RALGPS1: variants seen among roughly 807,000 people sequenced by gnomAD.
RALGPS1 encodes ras-specific guanine nucleotide-releasing factor RalGPS1.
In RALGPS1, 19 loss-of-function variants were observed where a neutral mutation model predicts 78.8. The ratio of observed to expected loss-of-function variants is 0.24; its 90% CI spans 0.17 to 0.35. The LOEUF is 0.35. Among genes scored for constraint, RALGPS1 ranks in the 10% least tolerant of loss-of-function variants. The probability of loss-of-function intolerance (pLI) is 1.00; values close to 1 mark genes in which losing one functional copy is unlikely to be tolerated. For synonymous variants in RALGPS1, 228 were observed against 256.3 expected, an observed-to-expected ratio of 0.89 and a Z score of 1.06; for missense variants, 454 against 688.3, an observed-to-expected ratio of 0.66 and a Z score of 3.81.
intron 3 of RALGPS1, among the ~76,000 whole-genome samples, chr9:126,969,377 G>A (rs1190601361): frequency 1.3e-5 from 2 of 152,172 alleles, no homozygotes; most frequent in Admixed American, 1.3e-4. Context: ...AAATAGCTCA[G>A]ACTATAGGCT....
At chr9:127,070,515 A>G (rs1403321389) in intron 8 of RALGPS1, among the ~76,000 whole-genome samples, 1 of 152,202 alleles carries the variant, frequency 6.6e-6, no homozygotes, top group Non-Finnish European at 1.5e-5. Context: ...AGTTGTGTCA[A>G]TTTGTACTTT....
At chr9:127,160,243 C>A (rs1013994174) in intron 8 of RALGPS1, among the ~76,000 whole-genome samples, 1 of 152,316 alleles carries the variant, frequency 6.6e-6, no homozygotes, top group East Asian at 1.9e-4. Context: ...GGTGTCTGTT[C>A]GGAAGAGCAC....
At chr9:127,159,057 A>G (rs983923003) in intron 8 of RALGPS1, among the ~76,000 whole-genome samples, 1 of 152,076 alleles carries the variant, frequency 6.6e-6, no homozygotes, top group South Asian at 2.1e-4. Context: ...TTTCTTCTCT[A>G]TTCCCAATTG....
At chr9:127,109,854 C>A (rs2054621634) in intron 8 of RALGPS1, among the ~76,000 whole-genome samples, 1 of 152,128 alleles carries the variant, frequency 6.6e-6, no homozygotes, top group African/African-American at 2.4e-5. Flanking sequence ...GAATGCTTCC[C>A]TGAGAAAGTG....
At chr9:127,101,034 G>A (rs1391482413) in intron 8 of RALGPS1, among the ~76,000 whole-genome samples, 1 of 152,106 alleles carries the variant, frequency 6.6e-6, no homozygotes, top group Non-Finnish European at 1.5e-5. Flanking sequence ...GACTATCACT[G>A]GTGGTGGTTC....
chr9:126,943,203 C>A (rs1261610295), intron 1 of RALGPS1, among the ~76,000 whole-genome samples: 1 of 152,008 alleles, frequency 6.6e-6, no homozygotes, highest in Non-Finnish European at 1.5e-5. Context: ...AGTGCAGTGG[C>A]GCAATCTCAG....
At chr9:126,998,912 G>T (rs547860426) in intron 4 of RALGPS1, among the ~76,000 whole-genome samples, 1 of 148,954 alleles carries the variant, frequency 6.7e-6, no homozygotes, top group Admixed American at 6.8e-5. Flanking sequence ...GCAAACTATC[G>T]CAAGGACAAA....
At chr9:127,111,314 G>T (rs1241164502) in intron 8 of RALGPS1, among the ~76,000 whole-genome samples, 2 of 152,132 alleles carry the variant, frequency 1.3e-5, no homozygotes, top group African/African-American at 2.4e-5. Flanking sequence ...TCCCCCTCCA[G>T]TGTCCTTATC....
chr9:126,950,925 A>G (rs994388092), intron 1 of RALGPS1, among the ~76,000 whole-genome samples: 4 of 152,166 alleles, frequency 2.6e-5, no homozygotes, highest in Non-Finnish European at 4.4e-5. Context: ...TGCTAGCAAG[A>G]CTAATAAAGA....
At chr9:126,936,538 T>A (rs1004804058) in intron 1 of RALGPS1, among the ~76,000 whole-genome samples, 2 of 152,166 alleles carry the variant, frequency 1.3e-5, no homozygotes, top group African/African-American at 4.8e-5. Context: ...TTATTATTTT[T>A]TTTTTTCCAA....
chr9:127,035,557 G>C (rs2046792507), intron 5 of RALGPS1, among the ~76,000 whole-genome samples: 1 of 152,132 alleles, frequency 6.6e-6, no homozygotes, highest in African/African-American at 2.4e-5. Flanking sequence ...CTGGGTGATG[G>C]GGCCTGGATT....
chr9:126,967,180 G>A (rs1034581026), intron 3 of RALGPS1, among the ~76,000 whole-genome samples: 1 of 152,140 alleles, frequency 6.6e-6, no homozygotes. Context: ...CTCCTTCAGT[G>A]TGTCTGAGGG....
intron 2 of RALGPS1, among the ~76,000 whole-genome samples, chr9:126,963,824 T>A (rs1183595945): frequency 6.6e-6 from 1 of 152,180 alleles, no homozygotes; most frequent in Non-Finnish European, 1.5e-5. Context: ...CATGACATTA[T>A]ACCATCCAAA....
intron 8 of RALGPS1, among the ~76,000 whole-genome samples, chr9:127,118,706 T>C (rs2137578139): frequency 6.6e-6 from 1 of 152,344 alleles, no homozygotes; most frequent in African/African-American, 2.4e-5. Context: ...TGTGTGATTA[T>C]TTACTGTCTG....
At chr9:126,953,063 G>A (rs1477601717) in intron 1 of RALGPS1, among the ~76,000 whole-genome samples, 1 of 152,070 alleles carries the variant, frequency 6.6e-6, no homozygotes, top group African/African-American at 2.4e-5. Context: ...TCTCAGGAGT[G>A]GTCTGCATTG....
At chr9:127,172,430 A>G (rs1468412403) in intron 10 of RALGPS1, among the ~76,000 whole-genome samples, 1 of 152,232 alleles carries the variant, frequency 6.6e-6, no homozygotes, top group Non-Finnish European at 1.5e-5. Context: ...GTTCTGTACC[A>G]GATTTCCCCA....
intron 7 of RALGPS1, among the ~76,000 whole-genome samples, chr9:127,054,923 A>G (rs933499371): frequency 4.0e-5 from 6 of 151,842 alleles, no homozygotes; most frequent in African/African-American, 1.5e-4. Context: ...GGCAGCAGTG[A>G]ACTATGATTA....
chr9:127,186,716 G>T (rs2060673195), intron 11 of RALGPS1, among the ~76,000 whole-genome samples: 1 of 152,256 alleles, frequency 6.6e-6, no homozygotes, highest in East Asian at 1.9e-4. Context: ...AGAGCAGGGA[G>T]AGCAGCATCA....
chr9:126,970,530 A>G (rs909746420), intron 3 of RALGPS1, among the ~76,000 whole-genome samples: 2 of 152,206 alleles, frequency 1.3e-5, no homozygotes, highest in African/African-American at 4.8e-5. Context: ...TTCTAGAATG[A>G]TGCTGCGTAC....
Sources: allele counts gnomAD v4.1 joint callset (sites outside exome capture counted in the v4.1 genomes callset), GRCh38; gene constraint gnomAD v4.1.1; transcripts MANE v1.5; gene names NCBI Gene and HGNC (gene_info 2026-07-23, HGNC 2026-07-21).